SASH1: variants seen among roughly 807,000 people sequenced by gnomAD.
The protein encoded by SASH1 is SAM and SH3 domain-containing protein 1.
In SASH1, 44 loss-of-function variants were observed where a neutral mutation model predicts 125.2. That is an observed-to-expected ratio of 0.35 (90% confidence interval 0.28 to 0.45). The LOEUF is 0.45. Ranked by LOEUF, SASH1 falls within the 20% of genes least tolerant of loss-of-function variation. The pLI, the probability that SASH1 is intolerant of heterozygous loss-of-function variation, is 1.00. For missense variants in SASH1, 1,426 were observed against 1,614.5 expected (o/e 0.88, Z 2.00); for synonymous variants, 639 against 649.1 (o/e 0.98, Z 0.24).
chr6:148,220,743 C>T, the SASH1 span, among the ~76,000 whole-genome samples: 5 of 151,992 alleles, frequency 3.3e-5, no homozygotes, highest in Non-Finnish European at 7.4e-5. Flanking sequence ...GGTGAAACCC[C>T]GTCTCTACTA....
rs957798125 is a variant in SASH1, at chr6:148,512,918, G to A, written c.730-1406G>A. 9.1e-6 allele frequency: 9 copies of A among 985,320 alleles called. No individual in the cohort carries two copies. In the African/African-American group the frequency reaches 1.4e-4, roughly 15 times the overall value. The allele number at this position is 985,320 out of a possible 1,614,324, so 61.0% of individuals were successfully genotyped here. A position where few individuals can be genotyped will look rare whatever the true frequency, so the allele number is the denominator to read the frequency against. The stretch of plus-strand genomic sequence containing the variant: ...AACGGTTTGCTGATAGTCATACAGG[G>A]AGAAAGTACCATGGCTCCATGCCTT... On this transcript the variant is annotated intron_variant, in intron 8 of 19. Coordinates refer to ENST00000367467, the MANE Select transcript of SASH1 (RefSeq NM_015278.5).
chr6:148,302,613 C>G, intron 1 of SASH1, among the ~76,000 whole-genome samples: 1 of 126,240 alleles, frequency 7.9e-6, no homozygotes. Context: ...CACACACACA[C>G]GCAGAAATCA....
chr6:148,515,630 T>G (rs2115334082), intron 9 of SASH1, among the ~76,000 whole-genome samples: 1 of 152,310 alleles, frequency 6.6e-6, no homozygotes, highest in African/African-American at 2.4e-5. Flanking sequence ...GGTATCTTTT[T>G]GCGTGGTAAT....
At chr6:148,295,136 T>C (rs1165623439) in intron 1 of SASH1, among the ~76,000 whole-genome samples, 1 of 152,148 alleles carries the variant, frequency 6.6e-6, no homozygotes, top group African/African-American at 2.4e-5. Flanking sequence ...CCTCATTTTA[T>C]AGATGAGTAA....
intron 1 of SASH1, among the ~76,000 whole-genome samples, chr6:148,359,001 C>T (rs1188909625): frequency 3.9e-5 from 6 of 151,992 alleles, no homozygotes; most frequent in African/African-American, 9.6e-5. Context: ...TCCCAAAGTG[C>T]AGGGATTACA....
intron 2 of SASH1, among the ~76,000 whole-genome samples, chr6:148,429,318 C>A (rs2114971374): frequency 7.3e-6 from 1 of 136,514 alleles, no homozygotes; most frequent in East Asian, 2.2e-4. Flanking sequence ...CCTGGGAGGT[C>A]AAGGCTGCAG....
chr6:148,509,068 T>C (rs1441420727), intron 8 of SASH1, among the ~76,000 whole-genome samples: 4 of 152,130 alleles, frequency 2.6e-5, no homozygotes, highest in Admixed American at 2.0e-4. Context: ...TTTTCACCAG[T>C]GAAAATGCGT....
intron 1 of SASH1, among the ~76,000 whole-genome samples, chr6:148,360,637 C>A (rs994916169): frequency 2.7e-4 from 5 of 18,822 alleles, no homozygotes; most frequent in Non-Finnish European, 5.2e-4. Flanking sequence ...GCGTGAGCCA[C>A]CCCCCCGCCA....
the SASH1 span, among the ~76,000 whole-genome samples, chr6:148,218,082 G>A: frequency 1.1e-3 from 171 of 152,008 alleles, no homozygotes; most frequent in Middle Eastern, 3.4e-3. Flanking sequence ...CCCGTTCCCA[G>A]GCACCCCAGC....
intron 1 of SASH1, among the ~76,000 whole-genome samples, chr6:148,310,428 A>G (rs1250834075): frequency 1.6e-5 from 1 of 61,252 alleles, no homozygotes; most frequent in East Asian, 4.4e-4. Flanking sequence ...ATATGTGAAA[A>G]AAAAAAAAAA....
chr6:148,257,300 G>A, the SASH1 span, among the ~76,000 whole-genome samples: 2 of 152,120 alleles, frequency 1.3e-5, no homozygotes, highest in African/African-American at 4.8e-5. Flanking sequence ...GGCTTCCCTG[G>A]TGGCAAATGT....
chr6:148,535,160 C>G (rs185732372), intron 16 of SASH1, among the ~76,000 whole-genome samples: 1 of 152,312 alleles, frequency 6.6e-6, no homozygotes, highest in East Asian at 1.9e-4. Context: ...ATGCCAAGGT[C>G]AAACAGCACA....
chr6:148,281,247 C>T (rs1439549934), intron 1 of SASH1, among the ~76,000 whole-genome samples: 1 of 151,864 alleles, frequency 6.6e-6, no homozygotes, highest in Admixed American at 6.6e-5. Context: ...CGTGAGCCAC[C>T]GCGCCTGGCT....
chr6:148,504,917 G>A (rs749978598), intron 8 of SASH1, among the ~76,000 whole-genome samples: 1 of 152,118 alleles, frequency 6.6e-6, no homozygotes, highest in Non-Finnish European at 1.5e-5. Context: ...CATCCTCTTA[G>A]GACACTCTCC....
chr6:148,218,333 C>T, the SASH1 span, among the ~76,000 whole-genome samples: 4 of 152,152 alleles, frequency 2.6e-5, no homozygotes, highest in African/African-American at 9.7e-5. Flanking sequence ...GATGGTCACA[C>T]AATAAGACCC....
At chr6:148,364,681 T>A (rs896179005) in intron 1 of SASH1, among the ~76,000 whole-genome samples, 20 of 152,142 alleles carry the variant, frequency 1.3e-4, no homozygotes, top group African/African-American at 4.6e-4. Context: ...GAATAGGTTC[T>A]GCCACGGGAA....
chr6:148,433,804 T>G (rs973515389), intron 2 of SASH1, among the ~76,000 whole-genome samples: 1 of 152,194 alleles, frequency 6.6e-6, no homozygotes, highest in Non-Finnish European at 1.5e-5. Context: ...TTTGTCATTC[T>G]TAAATTGTTA....
the SASH1 span, among the ~76,000 whole-genome samples, chr6:148,239,796 T>C: frequency 6.6e-6 from 1 of 152,112 alleles, no homozygotes; most frequent in Non-Finnish European, 1.5e-5. Context: ...TATTTCTACT[T>C]GCAAAACCTA....
At position 148,471,480 on chromosome 6, in the gene SASH1, G is replaced by A. The variant is rs774350191; in HGVS notation, c.491G>A (p.Gly164Glu). 1 of 1,576,854 alleles carries A rather than the reference G, an allele frequency of 6.3e-7. No individual in the cohort carries two copies. Among genetic ancestry groups the A allele is most frequent in the Non-Finnish European group, 8.6e-7 (1 of 1,158,908 alleles). ...FWQNFRKNQK[G>E]IMRQTSKGED... ...CAGAACTTCCGAAAGAACCAGAAAG[G>A]AATAATGAGACAGACTTCAAAAGGT... is the stretch of plus-strand genomic sequence containing the variant. Residue 164 changes from glycine (G) to glutamate (E), a missense_variant, in exon 6 of 20, where the codon GGA (glycine) becomes GAA (glutamate). Gly to Glu is a moderately conservative substitution (Grantham distance 98). Around this residue, in one of 3 missense-constraint regions of SASH1, gnomAD observed 567 missense variants for 575.6 expected, o/e 0.99. Coordinates refer to ENST00000367467, the MANE Select transcript of SASH1 (RefSeq NM_015278.5).
Sources: gnomAD v4.1 joint callset for allele counts (sites outside exome capture counted in the v4.1 genomes callset) on GRCh38, gnomAD v4.1.1 for gene constraint, gnomAD v4.1.1 regional missense constraint, MANE v1.5 for transcripts, NCBI Gene and HGNC (gene_info 2026-07-23, HGNC 2026-07-21) for gene names.